The following DLGAP3 variants were observed in gnomAD, a reference collection of about 807,000 sequenced individuals.
The protein encoded by DLGAP3 is DLG associated protein 3.
DLGAP3 carries 17 observed loss-of-function variants against 81.2 expected under a neutral mutation model. The ratio of observed to expected loss-of-function variants is 0.21; its 90% CI spans 0.14 to 0.31. DLGAP3 has a LOEUF of 0.31. DLGAP3 is among the 10% of genes least tolerant of loss of function. The pLI is 1.00. For synonymous variants in DLGAP3, 577 were observed against 587.4 expected (o/e 0.98, Z 0.26); for missense variants, 1,124 against 1,388.0 (o/e 0.81, Z 3.02).
At chr1:34,907,845 C>T (rs1639579953) in intron 1 of DLGAP3, among the ~76,000 whole-genome samples, 1 of 152,134 alleles carries the variant, frequency 6.6e-6, no homozygotes, top group Non-Finnish European at 1.5e-5. Context: ...TATAGTCTAA[C>T]AGGGGAACAA....
intron 3 of DLGAP3, among the ~76,000 whole-genome samples, chr1:34,903,589 T>C (rs1286815542): frequency 1.3e-5 from 2 of 151,948 alleles, no homozygotes; most frequent in African/African-American, 4.8e-5. Flanking sequence ...AGACCATAAA[T>C]GTGGTAAGAC....
At position 34,865,723 on chromosome 1, in the gene DLGAP3, G is replaced by A. The variant is rs1028829245; in HGVS notation, c.*360C>T. ...CACGAAGCCCAGCCCCGCGGGGTGG[G>A]GGAGGGGGGGACGCAGAGCCCAGAT... On this transcript the variant is annotated 3_prime_UTR_variant, in exon 12 of 12. Transcript: ENST00000373347. 13 of 337,272 alleles carry A rather than the reference G, an allele frequency of 3.9e-5. No individual in the cohort carries two copies. The highest frequency in any genetic ancestry group is 7.3e-5 in the Non-Finnish European group (13 of 179,242). The allele number at this position is 337,272 out of a possible 1,614,324, so 20.9% of individuals were successfully genotyped here. A position where few individuals can be genotyped will look rare whatever the true frequency, so the allele number is the denominator to read the frequency against.
chr1:34,893,084 A>G (rs1639338729), intron 5 of DLGAP3, among the ~76,000 whole-genome samples: 1 of 150,636 alleles, frequency 6.6e-6, no homozygotes, highest in Admixed American at 6.6e-5. Context: ...AGGCAGGAGA[A>G]TGGCGTGAAC....
At chr1:34,877,529 C>T (rs952636028) in intron 8 of DLGAP3, among the ~76,000 whole-genome samples, 3 of 152,116 alleles carry the variant, frequency 2.0e-5, no homozygotes, top group South Asian at 2.1e-4. Flanking sequence ...ACACAAATTA[C>T]GGAAACACGT....
chr1:34,895,184 G>A lies in DLGAP3; in HGVS notation c.1386+4485C>T, dbSNP rs756288836. On this transcript the variant is annotated intron_variant, in intron 5 of 11. Transcript: ENST00000373347. The surrounding 1 kb of genome is among the most constrained non-coding windows in gnomAD (Gnocchi z 4.5). ...AGATCGAGACGATCCTGGCTAACACGGTGAAACCCCGTCTGTACTAAAAAT... is the reference window on the plus strand; with the variant it reads ...AGATCGAGACGATCCTGGCTAACACAGTGAAACCCCGTCTGTACTAAAAAT... Among the ~76,000 whole-genome samples the A allele has an allele frequency of 2.1e-4, 32 of 152,102 alleles. No individual in the cohort carries two copies. Among genetic ancestry groups the A allele is most frequent in the African/African-American group, 7.2e-4 (30 of 41,500 alleles).
rs887356591 is a variant in DLGAP3 at position 34,895,498 on chromosome 1, A to G, written c.1386+4171T>C. 3.9e-5 allele frequency among the ~76,000 whole-genome samples: 6 copies of G among 152,142 alleles called. No homozygotes were observed. In the South Asian group the frequency reaches 6.2e-4, roughly 16 times the overall value. On this transcript the variant is annotated intron_variant, in intron 5 of 11. Coordinates refer to ENST00000373347, the MANE Select transcript of DLGAP3 (RefSeq NM_001080418.3). This position sits in a 1 kb window ranked among gnomAD's most constrained non-coding sequence, Gnocchi z 4.5. Reference sequence around the variant, plus strand: ...AATACTTAATATTGTTAAGAATACAATACTCCATAAATTAATCTACACATT... The same window carrying G: ...AATACTTAATATTGTTAAGAATACAGTACTCCATAAATTAATCTACACATT...
chr1:34,878,661 A>G (rs1219368468), intron 8 of DLGAP3, among the ~76,000 whole-genome samples: 1 of 152,250 alleles, frequency 6.6e-6, no homozygotes, highest in Non-Finnish European at 1.5e-5. Flanking sequence ...GAACTGATAG[A>G]TCAAATGTAC....
chr1:34,902,805 C>G lies in DLGAP3; in HGVS notation c.1107+1472G>C, dbSNP rs1639483030. 6.6e-6 allele frequency among the ~76,000 whole-genome samples: 1 copy of G among 152,094 alleles called. No individual in the cohort carries two copies. The highest frequency in any genetic ancestry group is 1.5e-5 in the Non-Finnish European group (1 of 67,978). On this transcript the variant is annotated intron_variant, in intron 3 of 11. Transcript: ENST00000373347. The surrounding 1 kb of genome is among the most constrained non-coding windows in gnomAD (Gnocchi z 4.4). ...AGGTGCATGTTAAAAAGGAAGCCCC[C>G]AGGGAGGTCAGGGCAGCCCTGAAGC...
intron 1 of DLGAP3, among the ~76,000 whole-genome samples, chr1:34,912,296 G>A (rs1639651186): frequency 6.6e-6 from 1 of 152,126 alleles, no homozygotes; most frequent in African/African-American, 2.4e-5. Flanking sequence ...CACTCACCTG[G>A]GGAAAAGATA....
rs926597797 is a variant in DLGAP3, at chr1:34,892,969, G to A, written c.1387-6684C>T. On this transcript the variant is annotated intron_variant, in intron 5 of 11. Transcript: ENST00000373347. ...GGGTGGATCATGAGGTCAGGAGATCGAGACCATCCTGGCTAACAAGGTGAA... is the reference window on the plus strand; with the variant it reads ...GGGTGGATCATGAGGTCAGGAGATCAAGACCATCCTGGCTAACAAGGTGAA... Among the ~76,000 whole-genome samples, 88 of 151,540 alleles carry A rather than the reference G, an allele frequency of 5.8e-4. 2 individuals are homozygous for A. The highest frequency in any genetic ancestry group is 2.0e-3 in the African/African-American group (83 of 41,290).
chr1:34,893,715 T>C (rs918229304), intron 5 of DLGAP3, among the ~76,000 whole-genome samples: 1 of 152,232 alleles, frequency 6.6e-6, no homozygotes, highest in Non-Finnish European at 1.5e-5. Context: ...AGCTAAGATA[T>C]ACATTGTAAT....
At chr1:34,874,679 T>G (rs1639023654) in intron 8 of DLGAP3, among the ~76,000 whole-genome samples, 1 of 152,150 alleles carries the variant, frequency 6.6e-6, no homozygotes, top group Non-Finnish European at 1.5e-5. Context: ...CAGGGAGAGT[T>G]TCTACTGTGA....
At chr1:34,874,938 T>C (rs1361423354) in intron 8 of DLGAP3, among the ~76,000 whole-genome samples, 3 of 152,058 alleles carry the variant, frequency 2.0e-5, no homozygotes, top group East Asian at 1.9e-4. Context: ...CCTAAACATA[T>C]AATCAAGCAG....
chr1:34,884,845 C>A, intron 8 of DLGAP3, 133 bp downstream of exon 8: 1 of 741,108 alleles, frequency 1.3e-6, no homozygotes, highest in South Asian at 1.5e-5. Context: ...GCTCTGACCA[C>A]CCTCTATAAA....
chr1:34,890,386 T>C (rs1158139385), intron 5 of DLGAP3, among the ~76,000 whole-genome samples: 1 of 152,218 alleles, frequency 6.6e-6, no homozygotes, highest in East Asian at 1.9e-4. Context: ...TAGCTCCTAA[T>C]GATCTCCATC....
In DLGAP3 at chr1:34,885,574, G is replaced by C; in HGVS notation, c.1818C>G (p.Pro606=). 1 of 1,604,324 alleles carries C rather than the reference G, an allele frequency of 6.2e-7. No individual in the cohort carries two copies. The highest frequency in any genetic ancestry group is 8.5e-7 in the Non-Finnish European group (1 of 1,178,790). ...TCTTGATGATGAGTGTGGGGGGCTT[G>C]GGGCTGGCCCGGGGCGGCACCGGCG... ...ELAPVPPRAS[P]KPPTLIIKTI... Residue 606 remains proline (P), a synonymous_variant, in exon 7 of 12, where the codon CCC becomes CCG. Coordinates refer to ENST00000373347, the MANE Select transcript of DLGAP3 (RefSeq NM_001080418.3).
chr1:34,884,203 GC>G (rs1001112578), intron 8 of DLGAP3, among the ~76,000 whole-genome samples: 4 of 152,172 alleles, frequency 2.6e-5, no homozygotes, highest in African/African-American at 9.7e-5. Flanking sequence ...ACAGGCGTGA[GC>G]CACCGCACCT....
intron 5 of DLGAP3, among the ~76,000 whole-genome samples, chr1:34,889,904 C>T (rs763517755): frequency 3.9e-5 from 6 of 151,984 alleles, no homozygotes; most frequent in Admixed American, 6.6e-5. Context: ...TTGGTCTCAG[C>T]GTTTTGGTAA....
rs12028785 is a variant in DLGAP3, at chr1:34,908,738, T to C, written c.-134-1301A>G. Among the ~76,000 whole-genome samples the C allele has an allele frequency of 8.8e-4, 134 of 152,230 alleles. 4 individuals are homozygous for C. The East Asian group carries it at 0.021, about 24-fold the overall frequency. On this transcript the variant is annotated intron_variant, in intron 1 of 11. Transcript: ENST00000373347. The stretch of plus-strand genomic sequence containing the variant: ...ACTGTGGTTTCCTAGAAATCTTCCA[T>C]AGAGGACAAGGTGAGACATACCCAG...
Sources: gnomAD v4.1 joint callset for allele counts (sites outside exome capture counted in the v4.1 genomes callset) on GRCh38, gnomAD v4.1.1 for gene constraint, Gnocchi (gnomAD v3.1) non-coding constraint, MANE v1.5 for transcripts, NCBI Gene and HGNC (gene_info 2026-07-23, HGNC 2026-07-21) for gene names.